GTF2B: variants seen among roughly 807,000 people sequenced by gnomAD.
GTF2B encodes the protein general transcription factor IIB.
In GTF2B, 20 loss-of-function variants were observed where a neutral mutation model predicts 34.6. The ratio of observed to expected loss-of-function variants is 0.58; its 90% CI spans 0.41 to 0.84. The LOEUF is 0.84. Among genes scored for constraint, GTF2B ranks in the 40% least tolerant of loss-of-function variants. The pLI is 0.00. For synonymous variants in GTF2B, 142 were observed against 132.4 expected, an observed-to-expected ratio of 1.07 and a Z score of -0.50; for missense variants, 237 against 393.3, an observed-to-expected ratio of 0.60 and a Z score of 3.36.
intron 5 of GTF2B, among the ~76,000 whole-genome samples, chr1:88,859,086 T>A (rs1673381719): frequency 6.6e-6 from 1 of 152,088 alleles, no homozygotes; most frequent in South Asian, 2.1e-4. Context: ...CAGGCTGGTC[T>A]TGAACTCCTG....
Position 88,853,288 on chromosome 1 carries a change from G to T in GTF2B, c.876C>A (p.Ile292=), listed in dbSNP as rs1039250123. ...GAAACAGATCTGGGGCTCGAGGATA[G>T]ATCAGTCTATAGGACTGTCTGATTG... ...DVTIRQSYRL[I]YPRAPDLFPT... The change falls in exon 7 of 7, where the codon ATC becomes ATA. Residue 292 remains isoleucine (I), a synonymous_variant. Coordinates refer to ENST00000370500, the MANE Select transcript of GTF2B (RefSeq NM_001514.6). 3.1e-6 allele frequency: 5 copies of T among 1,609,866 alleles called. No individual in the cohort carries two copies. In the Admixed American group the frequency reaches 6.7e-5, roughly 21 times the overall value.
intron 3 of GTF2B, among the ~76,000 whole-genome samples, chr1:88,861,926 T>C (rs1042699253): frequency 6.6e-6 from 1 of 152,142 alleles, no homozygotes; most frequent in Non-Finnish European, 1.5e-5. Flanking sequence ...TCCACAAATA[T>C]ATTAAAGAAT....
chr1:88,865,436 C>A (rs931223614), intron 2 of GTF2B, among the ~76,000 whole-genome samples: 9 of 152,144 alleles, frequency 5.9e-5, no homozygotes, highest in African/African-American at 2.2e-4. Context: ...AAACATTAAT[C>A]TCCAGCCGGG....
chr1:88,858,593 T>A, intron 5 of GTF2B: 1 of 152,168 alleles, frequency 6.6e-6, no homozygotes, highest in East Asian at 1.9e-4. Context: ...CAAAAGTTGT[T>A]TTAGTTATAA....
intron 2 of GTF2B, among the ~76,000 whole-genome samples, chr1:88,878,915 TGAA>T (rs1199803341): frequency 2.0e-5 from 3 of 152,200 alleles, no homozygotes; most frequent in Non-Finnish European, 4.4e-5. Flanking sequence ...GAAATGCAAG[TGAA>T]GAAGTTATCA....
intron 1 of GTF2B, among the ~76,000 whole-genome samples, chr1:88,889,877 T>G (rs1674158878): frequency 6.6e-6 from 1 of 151,772 alleles, no homozygotes. Context: ...TTAATAAAAT[T>G]TAAAAATAAA....
chr1:88,855,406 A>T (rs1161841947), intron 6 of GTF2B, among the ~76,000 whole-genome samples: 1 of 142,066 alleles, frequency 7.0e-6, no homozygotes, highest in Non-Finnish European at 1.5e-5. Flanking sequence ...AGACTGGAGT[A>T]CAGTGGTGCA....
At chr1:88,858,108 C>A (rs887160503) in intron 5 of GTF2B, among the ~76,000 whole-genome samples, 2 of 151,732 alleles carry the variant, frequency 1.3e-5, no homozygotes, top group African/African-American at 4.8e-5. Context: ...TGGGTTCAAG[C>A]GATTCTCCTG....
chr1:88,856,291 C>CAAAAAAAAAAAAAAAAAAAAAAA (rs1162915523), intron 6 of GTF2B, among the ~76,000 whole-genome samples: 1 of 86,146 alleles, frequency 1.2e-5, no homozygotes, highest in Non-Finnish European at 2.2e-5. Flanking sequence ...AAAAAAAAAA[C>CAAAAAAAAAAAAAAAAAAAAAAA]AAAAAAAAAA....
intron 2 of GTF2B, among the ~76,000 whole-genome samples, chr1:88,868,225 T>C (rs1305863941): frequency 2.6e-5 from 4 of 152,242 alleles, no homozygotes; most frequent in Non-Finnish European, 5.9e-5. Context: ...GTATAATCTA[T>C]AGTCAACTTT....
chr1:88,865,202 T>G (rs1673521597), intron 2 of GTF2B, among the ~76,000 whole-genome samples: 1 of 152,250 alleles, frequency 6.6e-6, no homozygotes, highest in African/African-American at 2.4e-5. Flanking sequence ...TTACTTCATT[T>G]CTATGTCTTT....
chr1:88,861,483 G>A (rs1673439907), intron 3 of GTF2B, among the ~76,000 whole-genome samples: 2 of 152,188 alleles, frequency 1.3e-5, no homozygotes, highest in African/African-American at 4.8e-5. Flanking sequence ...TGATGATCAC[G>A]GAGAAACCCT....
At chr1:88,863,047 G>A (rs935186213) in intron 3 of GTF2B, among the ~76,000 whole-genome samples, 3 of 151,628 alleles carry the variant, frequency 2.0e-5, no homozygotes, top group East Asian at 1.9e-4. Context: ...CAGTAATACC[G>A]TCACTATTAC....
intron 5 of GTF2B, among the ~76,000 whole-genome samples, chr1:88,858,996 T>G (rs1223127416): frequency 6.6e-6 from 1 of 151,782 alleles, no homozygotes; most frequent in African/African-American, 2.4e-5. Context: ...GCCTCCTGAG[T>G]AGCTGGGACT....
intron 2 of GTF2B, among the ~76,000 whole-genome samples, chr1:88,870,301 T>C (rs1673661906): frequency 6.6e-6 from 1 of 152,244 alleles, no homozygotes; most frequent in Non-Finnish European, 1.5e-5. Flanking sequence ...GTAAGTGCAC[T>C]GTCAAAATTC....
At chr1:88,865,539 T>A (rs1052810188) in intron 2 of GTF2B, among the ~76,000 whole-genome samples, 1 of 152,024 alleles carries the variant, frequency 6.6e-6, no homozygotes, top group Non-Finnish European at 1.5e-5. Flanking sequence ...CTGACCAAGA[T>A]GGAGAAACCC....
At chr1:88,889,093 T>A in intron 1 of GTF2B, among the ~76,000 whole-genome samples, 1 of 151,344 alleles carries the variant, frequency 6.6e-6, no homozygotes, top group South Asian at 2.1e-4. Flanking sequence ...GGAAGAGAGG[T>A]TAGAACTATT....
rs149012557 is a variant in GTF2B, at chr1:88,861,169, CAAAAATCTTGA to C, written c.259-894_259-884del. ...GCAAATTTTTCAATTAAAACAACAA[CAAAAATCTTGA>C]AATAAACTTGAGAAACATGTGAGAC... On this transcript the variant is annotated intron_variant, in intron 3 of 6. Transcript: ENST00000370500. Among the ~76,000 whole-genome samples, 689 of 152,208 alleles carry C rather than the reference CAAAAATCTTGA, an allele frequency of 4.5e-3. 5 individuals carry two copies. The highest frequency in any genetic ancestry group is 0.016 in the African/African-American group (669 of 41,540).
intron 2 of GTF2B, among the ~76,000 whole-genome samples, chr1:88,886,146 G>A (rs1674063715): frequency 6.6e-6 from 1 of 152,148 alleles, no homozygotes. Flanking sequence ...GCAGAATACG[G>A]TTGCAAATGA....
Sources: gnomAD v4.1 joint callset for allele counts (sites outside exome capture counted in the v4.1 genomes callset) on GRCh38, gnomAD v4.1.1 for gene constraint, MANE v1.5 for transcripts, NCBI Gene and HGNC (gene_info 2026-07-23, HGNC 2026-07-21) for gene names.